Variants in SSH2 observed in about 807,000 individuals in gnomAD.
SSH2 encodes slingshot protein phosphatase 2.
In SSH2, 37 loss-of-function variants were observed where a neutral mutation model predicts 135.2. The ratio of observed to expected loss-of-function variants is 0.27; its 90% CI spans 0.21 to 0.36. The LOEUF (loss-of-function observed/expected upper bound fraction) is 0.36. Among genes scored for constraint, SSH2 ranks in the 10% least tolerant of loss-of-function variants. The pLI is 1.00. For synonymous variants in SSH2, 628 were observed against 646.2 expected, an observed-to-expected ratio of 0.97 and a Z score of 0.43; for missense variants, 1,408 against 1,765.3, an observed-to-expected ratio of 0.80 and a Z score of 3.63.
chr17:29,786,309 C>T (rs1428954714), intron 3 of SSH2, among the ~76,000 whole-genome samples: 1 of 152,140 alleles, frequency 6.6e-6, no homozygotes, highest in African/African-American at 2.4e-5. Context: ...GGTGGAGCTT[C>T]GGGAAGTTCG....
At chr17:29,910,077 C>T (rs1035244253) in intron 1 of SSH2, among the ~76,000 whole-genome samples, 19 of 152,170 alleles carry the variant, frequency 1.2e-4, no homozygotes, top group Non-Finnish European at 2.8e-4. Flanking sequence ...TCCCAAGTAG[C>T]TGGGACTACA....
intron 3 of SSH2, among the ~76,000 whole-genome samples, chr17:29,791,557 G>A (rs996243683): frequency 2.0e-5 from 3 of 152,192 alleles, no homozygotes; most frequent in African/African-American, 4.8e-5. Flanking sequence ...GGTTTATTCT[G>A]TGGTGAGTGA....
intron 1 of SSH2, among the ~76,000 whole-genome samples, chr17:29,885,139 C>T (rs77622510): frequency 0.062 from 9,435 of 152,124 alleles, 552 homozygotes; most frequent in African/African-American, 0.16. Context: ...CTAGCACCTC[C>T]CTTTTTCTCC....
Position 29,684,624 on chromosome 17 carries a change from T to C in SSH2, c.418A>G (p.Asn140Asp). 6.2e-7 allele frequency: 1 copy of C among 1,613,654 alleles called. No homozygotes were observed. The highest frequency in any genetic ancestry group is 8.5e-7 in the Non-Finnish European group (1 of 1,179,570). Residue 140 changes from asparagine (N) to aspartate (D), a missense_variant, in exon 6 of 16, where the codon AAT becomes GAT. Asn to Asp is a conservative substitution (Grantham distance 23, BLOSUM62 1). Around this residue, in one of 3 missense-constraint regions of SSH2, gnomAD observed 222 missense variants for 355.6 expected, o/e 0.62. Transcript: ENST00000540801. ...CTTTCTTCAGTGTCTTGTCTACCAT[T>C]AGTTGAAACCACTACCATATAGCGT... ...RTRYMVVVST[N>D]GRQDTEESIV...
At chr17:29,877,379 C>A (rs1387800113) in intron 1 of SSH2, among the ~76,000 whole-genome samples, 1 of 152,120 alleles carries the variant, frequency 6.6e-6, no homozygotes, top group Admixed American at 6.5e-5. Flanking sequence ...TCAGTATATA[C>A]CCCAAAGAAA....
intron 3 of SSH2, among the ~76,000 whole-genome samples, chr17:29,773,657 A>G (rs931867628): frequency 2.0e-5 from 3 of 152,162 alleles, no homozygotes; most frequent in African/African-American, 7.2e-5. Context: ...TGGCAGTTTG[A>G]GAGATCATTT....
chr17:29,675,831 G>C (rs1259334903), intron 8 of SSH2: 2 of 151,828 alleles, frequency 1.3e-5, no homozygotes, highest in Non-Finnish European at 2.9e-5. Context: ...AGATATGAGA[G>C]AGAGAGAGAG....
chr17:29,921,854 G>A (rs566276478), intron 1 of SSH2, among the ~76,000 whole-genome samples: 6 of 152,070 alleles, frequency 3.9e-5, no homozygotes, highest in East Asian at 1.9e-4. Flanking sequence ...AGCCCCATGC[G>A]TCAAATACTT....
At chr17:29,654,890 A>T (rs2036720254) in intron 12 of SSH2, among the ~76,000 whole-genome samples, 1 of 152,166 alleles carries the variant, frequency 6.6e-6, no homozygotes, top group African/African-American at 2.4e-5. Flanking sequence ...GATCCCCAGC[A>T]CCTAGCACTT....
intron 3 of SSH2, chr17:29,716,418 CA>C: frequency 3.2e-6 from 2 of 624,578 alleles, no homozygotes; most frequent in South Asian, 3.0e-5. Context: ...GTGCTCAATA[CA>C]CACATTAATT....
intron 1 of SSH2, among the ~76,000 whole-genome samples, chr17:29,884,297 T>G (rs1260096297): frequency 6.6e-6 from 1 of 152,174 alleles, no homozygotes; most frequent in African/African-American, 2.4e-5. Flanking sequence ...GACCATTGAT[T>G]TCTTCCTAAA....
chr17:29,913,108 G>A (rs2066794388), intron 1 of SSH2, among the ~76,000 whole-genome samples: 1 of 150,080 alleles, frequency 6.7e-6, no homozygotes, highest in African/African-American at 2.4e-5. Context: ...ACCTAAGGTC[G>A]GGAGTTTGAG....
intron 1 of SSH2, among the ~76,000 whole-genome samples, chr17:29,895,698 A>C (rs1161651215): frequency 4.7e-5 from 6 of 126,644 alleles, no homozygotes; most frequent in Non-Finnish European, 7.9e-5. Flanking sequence ...TACACATTTT[A>C]TATATGAAAT....
chr17:29,752,209 T>C (rs762912335), intron 3 of SSH2, among the ~76,000 whole-genome samples: 6 of 152,124 alleles, frequency 3.9e-5, no homozygotes, highest in Non-Finnish European at 7.4e-5. Flanking sequence ...GATTCTAAGA[T>C]TTATCTGGAA....
intron 9 of SSH2, 97 bp downstream of exon 9, chr17:29,671,838 A>G: frequency 9.6e-7 from 1 of 1,038,186 alleles, no homozygotes; most frequent in Non-Finnish European, 1.4e-6. Context: ...AGGTAAGATT[A>G]ACTCCCCAAG....
At chr17:29,786,439 C>A (rs138408258) in intron 3 of SSH2, among the ~76,000 whole-genome samples, 31 of 152,282 alleles carry the variant, frequency 2.0e-4, no homozygotes, top group African/African-American at 7.5e-4. Context: ...CCTGTTCCCC[C>A]TTTGTTTTCC....
chr17:29,762,336 A>C (rs2041343637), intron 3 of SSH2, among the ~76,000 whole-genome samples: 1 of 152,106 alleles, frequency 6.6e-6, no homozygotes, highest in Non-Finnish European at 1.5e-5. Context: ...TGCACATAGG[A>C]ATTACTTGTG....
chr17:29,693,335 A>G (rs2038571745), intron 5 of SSH2, among the ~76,000 whole-genome samples: 2 of 151,968 alleles, frequency 1.3e-5, no homozygotes, highest in South Asian at 4.2e-4. Flanking sequence ...TTTTTGAGAC[A>G]GAATCTTCTT....
intron 2 of SSH2, among the ~76,000 whole-genome samples, chr17:29,829,485 T>C (rs1212014617): frequency 6.6e-6 from 1 of 151,988 alleles, no homozygotes; most frequent in East Asian, 1.9e-4. Flanking sequence ...TGTGTGTGTG[T>C]CTGTACATAT....
Sources: allele counts gnomAD v4.1 joint callset (sites outside exome capture counted in the v4.1 genomes callset), GRCh38; gene constraint gnomAD v4.1.1; regional missense constraint gnomAD v4.1.1; transcripts MANE v1.5; gene names NCBI Gene and HGNC (gene_info 2026-07-23, HGNC 2026-07-21).